The following SLC9D1 variants were observed in gnomAD, a reference collection of about 807,000 sequenced individuals.
SLC9D1 encodes the protein putative LAG1-interacting protein.
At chr13:113,539,264 G>C in the SLC9D1 span, 21 of 1,207,658 alleles carry the variant, frequency 1.7e-5, no homozygotes, top group African/African-American at 4.6e-5. The surrounding 1 kb of genome is among the most constrained non-coding windows in gnomAD (Gnocchi z 4.8). Context: ...GTTTTGTCGT[G>C]GTGGCTCTGC....
chr13:113,522,176 G>GTA, the SLC9D1 span, among the ~76,000 whole-genome samples: 1 of 152,180 alleles, frequency 6.6e-6, no homozygotes, highest in East Asian at 1.9e-4. Flanking sequence ...TCACCACTAG[G>GTA]TATGATGTTA....
the SLC9D1 span, chr13:113,503,345 TTGTGTGTGTGTGTGTGTGTGTGTG>T: frequency 1.7e-5 from 8 of 476,192 alleles, no homozygotes; most frequent in Admixed American, 2.3e-4. Flanking sequence ...CACTGTGTGA[TTGTGTGTGTGTGTGTGTGTGTGTG>T]TGTGTGTGTG....
chr13:113,504,341 A>T, the SLC9D1 span: 3 of 151,970 alleles, frequency 2.0e-5, no homozygotes, highest in African/African-American at 4.8e-5. Flanking sequence ...TTAATTTAAA[A>T]TTTTTTTATT....
the SLC9D1 span, chr13:113,534,092 T>C: frequency 6.2e-7 from 1 of 1,612,512 alleles, no homozygotes; most frequent in South Asian, 1.1e-5. Context: ...GGTCAGATTC[T>C]TTTTTCACTA....
the SLC9D1 span, among the ~76,000 whole-genome samples, chr13:113,509,533 A>G: frequency 0.18 from 27,950 of 151,480 alleles, 3,439 homozygotes; most frequent in African/African-American, 0.35. Flanking sequence ...ATGTTTAGCC[A>G]CACAGCCCCT....
At chr13:113,547,318 C>T in the SLC9D1 span, 60 of 1,614,164 alleles carry the variant, frequency 3.7e-5, no homozygotes, top group African/African-American at 5.3e-4. Flanking sequence ...GTGTTCCCCA[C>T]GTTTGTGGCG....
At chr13:113,503,579 G>T in the SLC9D1 span, 1 of 1,612,406 alleles carries the variant, frequency 6.2e-7, no homozygotes, top group East Asian at 2.2e-5. Flanking sequence ...CTCCAGAAAA[G>T]CTAAGAAAGG....
chr13:113,544,160 TCAGCCA>T, the SLC9D1 span, among the ~76,000 whole-genome samples: 23 of 152,314 alleles, frequency 1.5e-4, no homozygotes, highest in African/African-American at 3.6e-4. Context: ...CCTCTGCAGG[TCAGCCA>T]CAGCCACAGC....
At chr13:113,533,259 TTCATTCCATCC>T in the SLC9D1 span, among the ~76,000 whole-genome samples, 18 of 62,874 alleles carry the variant, frequency 2.9e-4, no homozygotes, top group African/African-American at 2.2e-3. Flanking sequence ...ATTCCATCCC[TTCATTCCATCC>T]CTTCATTCCA....
the SLC9D1 span, chr13:113,549,616 T>C: frequency 6.3e-7 from 1 of 1,591,234 alleles, no homozygotes; most frequent in Non-Finnish European, 8.6e-7. Context: ...CTGCTCCTTC[T>C]GGGAAGCTCG....
chr13:113,492,241 G>A, the SLC9D1 span, among the ~76,000 whole-genome samples: 6 of 152,180 alleles, frequency 3.9e-5, no homozygotes, highest in African/African-American at 9.7e-5. Context: ...CTCCCAGAGC[G>A]CTGGGAATAC....
chr13:113,507,691 C>T, the SLC9D1 span, among the ~76,000 whole-genome samples: 1 of 152,234 alleles, frequency 6.6e-6, no homozygotes, highest in African/African-American at 2.4e-5. Flanking sequence ...GTTTCTGCCT[C>T]TCTCCAGATT....
chr13:113,524,104 G>A, the SLC9D1 span: 2 of 451,546 alleles, frequency 4.4e-6, no homozygotes, highest in Non-Finnish European at 8.8e-6. Flanking sequence ...GTTGAGTGGA[G>A]TTTTTTTTAA....
the SLC9D1 span, among the ~76,000 whole-genome samples, chr13:113,525,224 G>A: frequency 6.6e-6 from 1 of 152,210 alleles, no homozygotes; most frequent in Non-Finnish European, 1.5e-5. Flanking sequence ...CTGTACAGCA[G>A]TGGTCGGGTG....
At chr13:113,549,332 C>T in the SLC9D1 span, 1 of 1,412,742 alleles carries the variant, frequency 7.1e-7, no homozygotes. Flanking sequence ...TGCAGGCGTC[C>T]CTCCCAGCTC....
At chr13:113,517,371 T>C in the SLC9D1 span, among the ~76,000 whole-genome samples, 2 of 152,132 alleles carry the variant, frequency 1.3e-5, 1 homozygote, top group South Asian at 4.1e-4. Context: ...TAGCTGGGAC[T>C]ACAGGCGCCC....
chr13:113,509,238 T>TC, the SLC9D1 span, among the ~76,000 whole-genome samples: 213 of 79,500 alleles, frequency 2.7e-3, no homozygotes, highest in African/African-American at 5.5e-3. Flanking sequence ...GGTGGGTGGG[T>TC]CCCCCTGGCG....
chr13:113,544,015 T>C, the SLC9D1 span, among the ~76,000 whole-genome samples: 1 of 152,224 alleles, frequency 6.6e-6, no homozygotes, highest in Non-Finnish European at 1.5e-5. Flanking sequence ...GTAGACGGCA[T>C]CTGCCCGCTT....
chr13:113,546,055 G>C, the SLC9D1 span, among the ~76,000 whole-genome samples: 1 of 152,152 alleles, frequency 6.6e-6, no homozygotes, highest in Non-Finnish European at 1.5e-5. The surrounding 1 kb of genome is among the most constrained non-coding windows in gnomAD (Gnocchi z 7.1). Flanking sequence ...CTGGGTACCT[G>C]TGTGGCCGCG....
Sources: allele counts gnomAD v4.1 joint callset (sites outside exome capture counted in the v4.1 genomes callset), GRCh38; gene constraint gnomAD v4.1.1; non-coding constraint Gnocchi (gnomAD v3.1); transcripts MANE v1.5; gene names NCBI Gene and HGNC (gene_info 2026-07-23, HGNC 2026-07-21).